Variants in NRG3 observed in about 807,000 individuals in gnomAD.
The protein encoded by NRG3 is neuregulin 3.
NRG3 carries 31 observed loss-of-function variants against 66.9 expected under a neutral mutation model. The ratio of observed to expected loss-of-function variants is 0.46; its 90% CI spans 0.35 to 0.63. The LOEUF is 0.63. Among genes scored for constraint, NRG3 ranks in the 20% least tolerant of loss-of-function variants. The pLI is 0.00. For synonymous variants in NRG3, 393 were observed against 359.4 expected, an observed-to-expected ratio of 1.09 and a Z score of -1.06; for missense variants, 910 against 878.9, an observed-to-expected ratio of 1.04 and a Z score of -0.45.
At position 81,944,254 on chromosome 10, in the gene NRG3, A is replaced by C. The variant is rs561648057; in HGVS notation, c.823+68091A>C. On this transcript the variant is annotated intron_variant, in intron 1 of 8. Transcript: ENST00000372141. The stretch of plus-strand genomic sequence containing the variant: ...AACATAGAGCTCATAATATACAAAG[A>C]GCAGCAGTGCATTATCAACCTAAAT... Among the ~76,000 whole-genome samples, 7 of 152,354 alleles carry C rather than the reference A, an allele frequency of 4.6e-5. No homozygotes were observed. In the South Asian group the frequency reaches 1.4e-3, roughly 32 times the overall value.
At chr10:82,927,613 A>G (rs887273524) in intron 4 of NRG3, among the ~76,000 whole-genome samples, 1 of 152,002 alleles carries the variant, frequency 6.6e-6, no homozygotes, top group Non-Finnish European at 1.5e-5. Context: ...CTGTTCCTGT[A>G]TTAGTTTGCT....
chr10:82,480,485 G>A (rs1270551759), intron 2 of NRG3, among the ~76,000 whole-genome samples: 1 of 152,174 alleles, frequency 6.6e-6, no homozygotes, highest in African/African-American at 2.4e-5. Flanking sequence ...TTGGGGTTAA[G>A]GAAGTCTCTC....
At chr10:82,037,622 A>T (rs761482795) in intron 1 of NRG3, among the ~76,000 whole-genome samples, 7 of 152,174 alleles carry the variant, frequency 4.6e-5, no homozygotes, top group Non-Finnish European at 2.9e-5. Context: ...CATTGGCAGG[A>T]TCTCATATGA....
intron 2 of NRG3, among the ~76,000 whole-genome samples, chr10:82,734,090 C>A (rs1162394599): frequency 1.3e-5 from 2 of 152,188 alleles, no homozygotes; most frequent in Non-Finnish European, 2.9e-5. Flanking sequence ...CCACACCAGG[C>A]AAAACAAGTA....
chr10:82,505,277 A>G (rs1043143805), intron 2 of NRG3, among the ~76,000 whole-genome samples: 1 of 152,236 alleles, frequency 6.6e-6, no homozygotes, highest in Non-Finnish European at 1.5e-5. Flanking sequence ...CTGATGTGCC[A>G]TGTGTTAACT....
At chr10:82,386,616 T>C (rs2086007826) in intron 2 of NRG3, among the ~76,000 whole-genome samples, 4 of 151,630 alleles carry the variant, frequency 2.6e-5, no homozygotes, top group Admixed American at 2.6e-4. Flanking sequence ...AAAAGTATGA[T>C]TGACCCATAT....
intron 1 of NRG3, among the ~76,000 whole-genome samples, chr10:82,356,671 G>A (rs1463981297): frequency 6.6e-6 from 1 of 152,184 alleles, no homozygotes; most frequent in Non-Finnish European, 1.5e-5. Context: ...ACCAATAGTG[G>A]TTTATTTCAG....
chr10:82,038,529 A>C lies in NRG3; in HGVS notation c.823+162366A>C, dbSNP rs1490362881. The stretch of plus-strand genomic sequence containing the variant: ...GAGGACTCAATTTCAGACTACTAGA[A>C]GTCACAACCCATGAGTTTTGTTTTG... On this transcript the variant is annotated intron_variant, in intron 1 of 8. Transcript: ENST00000372141. Among the ~76,000 whole-genome samples the C allele has an allele frequency of 3.9e-5, 6 of 152,174 alleles. No homozygotes were observed. In the East Asian group the frequency reaches 1.2e-3, roughly 29 times the overall value.
At position 82,756,641 on chromosome 10, in the gene NRG3, G is replaced by A. The variant is rs533502846; in HGVS notation, c.1027+17991G>A. On this transcript the variant is annotated intron_variant, in intron 3 of 8. Coordinates refer to ENST00000372141, the MANE Select transcript of NRG3 (RefSeq NM_001010848.4). ...CTGTCCTCATGGAACTTATACAGAT[G>A]ATAACTAACACTAGTTACTACTTAA... Among the ~76,000 whole-genome samples, 29 of 152,134 alleles carry A rather than the reference G, an allele frequency of 1.9e-4. 1 individual carries two copies. Among genetic ancestry groups the A allele is most frequent in the African/African-American group, 6.7e-4 (28 of 41,522 alleles).
chr10:82,140,755 G>T lies in NRG3; in HGVS notation c.824-217984G>T, dbSNP rs148050102. On this transcript the variant is annotated intron_variant, in intron 1 of 8. Transcript: ENST00000372141. ...AAAAAAATAAAAATAAAAAGTAAAA[G>T]AAAAGAGAAAGAAATAAAACAATGT... is the stretch of plus-strand genomic sequence containing the variant. Among the ~76,000 whole-genome samples the T allele has an allele frequency of 5.7e-4, 87 of 152,096 alleles. 1 individual carries two copies. The East Asian group carries it at 0.013, about 23-fold the overall frequency.
intron 1 of NRG3, among the ~76,000 whole-genome samples, chr10:81,967,201 TAA>T (rs1834617872): frequency 6.6e-6 from 1 of 151,914 alleles, no homozygotes. Flanking sequence ...TCATAGGTGT[TAA>T]GTTTTATTGC....
chr10:82,914,939 A>T (rs949012881), intron 4 of NRG3, among the ~76,000 whole-genome samples: 6 of 152,186 alleles, frequency 3.9e-5, no homozygotes, highest in African/African-American at 1.4e-4. Flanking sequence ...CATTCTGAGT[A>T]TATTTTAAAT....
At chr10:81,977,654 G>A (rs1306209007) in intron 1 of NRG3, among the ~76,000 whole-genome samples, 1 of 151,988 alleles carries the variant, frequency 6.6e-6, no homozygotes, top group Non-Finnish European at 1.5e-5. Context: ...CCACATTATG[G>A]TACCATATAA....
chr10:82,511,218 T>A (rs1453934592), intron 2 of NRG3, among the ~76,000 whole-genome samples: 1 of 152,032 alleles, frequency 6.6e-6, no homozygotes, highest in Non-Finnish European at 1.5e-5. Flanking sequence ...CTACATTGTG[T>A]TGGAAAGAAA....
chr10:82,473,749 C>T (rs1364006958), intron 2 of NRG3, among the ~76,000 whole-genome samples: 3 of 152,094 alleles, frequency 2.0e-5, no homozygotes, highest in Non-Finnish European at 4.4e-5. Context: ...CCTAACTTGT[C>T]TTCAGGCTGC....
chr10:81,926,642 A>G (rs184754235), intron 1 of NRG3, among the ~76,000 whole-genome samples: 18 of 152,252 alleles, frequency 1.2e-4, no homozygotes, highest in African/African-American at 1.7e-4. Context: ...TTGCTTCCCA[A>G]TCTTTTATTG....
At chr10:82,666,731 G>T (rs1487173836) in intron 2 of NRG3, among the ~76,000 whole-genome samples, 1 of 152,132 alleles carries the variant, frequency 6.6e-6, no homozygotes, top group East Asian at 1.9e-4. Flanking sequence ...TCCCAATTCT[G>T]ACCCTTTATC....
At chr10:82,631,218 C>T (rs1287901810) in intron 2 of NRG3, among the ~76,000 whole-genome samples, 1 of 152,102 alleles carries the variant, frequency 6.6e-6, no homozygotes, top group African/African-American at 2.4e-5. Flanking sequence ...GAAATGTCTC[C>T]ACTGCAGTAT....
intron 1 of NRG3, among the ~76,000 whole-genome samples, chr10:82,192,308 C>A (rs2074191487): frequency 6.6e-6 from 1 of 152,188 alleles, no homozygotes; most frequent in African/African-American, 2.4e-5. Context: ...TGCTGCTTTA[C>A]TCCTGTGCAG....
Sources: gnomAD v4.1 joint callset for allele counts (sites outside exome capture counted in the v4.1 genomes callset) on GRCh38, gnomAD v4.1.1 for gene constraint, MANE v1.5 for transcripts, NCBI Gene and HGNC (gene_info 2026-07-23, HGNC 2026-07-21) for gene names.